Variants in SMIM14 observed in about 807,000 individuals in gnomAD.
The protein encoded by SMIM14 is chromosome 4 open reading frame 34.
In SMIM14, 5 loss-of-function variants were observed where a neutral mutation model predicts 12.6. The ratio of observed to expected loss-of-function variants is 0.40; its 90% CI spans 0.21 to 0.83. SMIM14 has a LOEUF of 0.83. SMIM14 is among the 40% of genes least tolerant of loss of function. The pLI, the probability that SMIM14 is intolerant of heterozygous loss-of-function variation, is 0.37. For missense variants in SMIM14, 86 were observed against 119.1 expected (o/e 0.72, Z 1.29); for synonymous variants, 30 against 40.1 (o/e 0.75, Z 0.95).
At chr4:39,629,890 T>C (rs775365683) in intron 1 of SMIM14, among the ~76,000 whole-genome samples, 18 of 152,020 alleles carry the variant, frequency 1.2e-4, no homozygotes, top group African/African-American at 4.1e-4. Context: ...GCCTTCCAAA[T>C]TGCTGGGATT....
At chr4:39,636,898 T>C (rs1361472844) in intron 1 of SMIM14, among the ~76,000 whole-genome samples, 3 of 152,110 alleles carry the variant, frequency 2.0e-5, no homozygotes, top group Admixed American at 1.3e-4. Flanking sequence ...TCTCTGAAAA[T>C]ATGATTGTAT....
chr4:39,581,123 G>C (rs1713470563), intron 2 of SMIM14, among the ~76,000 whole-genome samples: 2 of 151,852 alleles, frequency 1.3e-5, no homozygotes, highest in Non-Finnish European at 2.9e-5. Context: ...TGGCCTTTCT[G>C]CTTAAGAAGG....
intron 1 of SMIM14, among the ~76,000 whole-genome samples, chr4:39,618,842 C>A (rs185254923): frequency 6.6e-6 from 1 of 151,888 alleles, no homozygotes; most frequent in Non-Finnish European, 1.5e-5. Flanking sequence ...GCATGTTGGA[C>A]CTTGCAGGGG....
chr4:39,559,855 G>A (rs541336816), intron 3 of SMIM14, among the ~76,000 whole-genome samples: 1 of 152,202 alleles, frequency 6.6e-6, no homozygotes, highest in East Asian at 1.9e-4. Context: ...GGCAGCTCAT[G>A]TCTGTAATCC....
At chr4:39,613,498 G>A (rs777313817) in intron 1 of SMIM14, among the ~76,000 whole-genome samples, 4 of 152,090 alleles carry the variant, frequency 2.6e-5, no homozygotes, top group Non-Finnish European at 5.9e-5. Context: ...CTCTTTTGGT[G>A]AGGACCCAAG....
chr4:39,580,814 C>T (rs909141189), intron 2 of SMIM14, among the ~76,000 whole-genome samples: 9 of 151,890 alleles, frequency 5.9e-5, no homozygotes, highest in African/African-American at 1.2e-4. Flanking sequence ...TGTGAGCTAC[C>T]GCACCCAGCC....
At chr4:39,556,061 C>T (rs1002789714) in intron 4 of SMIM14, among the ~76,000 whole-genome samples, 13 of 151,770 alleles carry the variant, frequency 8.6e-5, no homozygotes, top group African/African-American at 2.9e-4. Flanking sequence ...GTGGTCCCAA[C>T]TACTTGGGAG....
Position 39,552,262 on chromosome 4 carries a change from A to G in SMIM14, c.268-104T>C, listed in dbSNP as rs889740373. 8.0e-5 allele frequency: 71 copies of G among 883,834 alleles called. 1 individual carries two copies. The African/African-American group carries it at 1.1e-3, about 14-fold the overall frequency. 54.7% of individuals were successfully genotyped at this position (883,834 alleles called of 1,614,324 possible). A position where few individuals can be genotyped will look rare whatever the true frequency, so the allele number is the denominator to read the frequency against. On this transcript the variant is annotated intron_variant, in intron 4 of 4. Coordinates refer to ENST00000295958, the MANE Select transcript of SMIM14 (RefSeq NM_174921.3). ...AATTGACTTATTAAATCCCAGTGCA[A>G]CCAATCTAACACATAGAGAAACAAC...
intron 1 of SMIM14, among the ~76,000 whole-genome samples, chr4:39,606,933 G>A (rs73808485): frequency 1.4e-3 from 210 of 152,318 alleles, no homozygotes; most frequent in African/African-American, 4.9e-3. Context: ...AAATACACCA[G>A]ATGGGTTTAA....
chr4:39,568,170 T>C (rs1435892552), intron 3 of SMIM14, among the ~76,000 whole-genome samples: 1 of 151,746 alleles, frequency 6.6e-6, no homozygotes, highest in Non-Finnish European at 1.5e-5. Context: ...TCCTGGCTAC[T>C]TGGGAGGCTG....
chr4:39,615,067 G>A (rs1057058009), intron 1 of SMIM14, among the ~76,000 whole-genome samples: 2 of 152,240 alleles, frequency 1.3e-5, no homozygotes, highest in African/African-American at 4.8e-5. Flanking sequence ...GACAGAGGGA[G>A]TTAAAATAGC....
intron 2 of SMIM14, among the ~76,000 whole-genome samples, chr4:39,604,725 CT>C (rs1240194248): frequency 6.6e-6 from 1 of 151,698 alleles, no homozygotes; most frequent in Admixed American, 6.6e-5. Context: ...ATTCTCGTGT[CT>C]CAGCCTTCCG....
rs1560289686 is a variant in SMIM14 at position 39,576,674 on chromosome 4, ATATATATATATTTTTTTTTTT to A, written c.76-4232_76-4212del. On this transcript the variant is annotated intron_variant, in intron 2 of 4. Transcript: ENST00000295958. The stretch of plus-strand genomic sequence containing the variant: ...TGTGTGTATGTGTATATATATATAT[ATATATATATATTTTTTTTTTT>A]TTTTTTTTTTTTTTTTTTTTTTTTT... Among the ~76,000 whole-genome samples the A allele has an allele frequency of 3.2e-4, 9 of 28,238 alleles. No homozygotes were observed. The East Asian group carries it at 5.5e-3, about 17-fold the overall frequency. 18.5% of individuals were successfully genotyped at this position (28,238 alleles called of 152,430 possible). A position where few individuals can be genotyped will look rare whatever the true frequency, so the allele number is the denominator to read the frequency against.
In SMIM14 at chr4:39,550,677, C is replaced by G. The variant is rs946613832; in HGVS notation, c.*1449G>C. ...CTTTTTTATACATTTTAAAATTTCT[C>G]TCATATTAACATTCCTTCCTACCCC... On this transcript the variant is annotated 3_prime_UTR_variant, in exon 5 of 5. Coordinates refer to ENST00000295958, the MANE Select transcript of SMIM14 (RefSeq NM_174921.3). The G allele has an allele frequency of 1.3e-5, 2 of 152,102 alleles. No homozygotes were observed. Among genetic ancestry groups the G allele is most frequent in the African/African-American group, 4.8e-5 (2 of 41,408 alleles). 9.4% of individuals were successfully genotyped at this position (152,102 alleles called of 1,614,324 possible).
Position 39,632,904 on chromosome 4 carries a change from AT to A in SMIM14, c.-36+5834del, listed in dbSNP as rs564784075. ...TACCAAAAATAAATAAATTAAAAAA[AT>A]ATTTTAAAACTTCATGTAACATTTT... is the stretch of plus-strand genomic sequence containing the variant. On this transcript the variant is annotated intron_variant, in intron 1 of 4. Coordinates refer to ENST00000295958, the MANE Select transcript of SMIM14 (RefSeq NM_174921.3). 3.8e-3 allele frequency among the ~76,000 whole-genome samples: 580 copies of A among 152,244 alleles called. 5 individuals carry two copies. The highest frequency in any genetic ancestry group is 0.012 in the African/African-American group (493 of 41,544).
intron 2 of SMIM14, among the ~76,000 whole-genome samples, chr4:39,599,652 A>G (rs143438146): frequency 1.5e-3 from 223 of 152,274 alleles, no homozygotes; most frequent in African/African-American, 5.2e-3. Context: ...GGCTGGGCAC[A>G]GTGGCTCACA....
chr4:39,586,507 T>C (rs1713790724), intron 2 of SMIM14, among the ~76,000 whole-genome samples: 1 of 152,108 alleles, frequency 6.6e-6, no homozygotes, highest in Non-Finnish European at 1.5e-5. Context: ...CTTTATTTTC[T>C]ACTAAAATTC....
chr4:39,551,035 G>T lies in SMIM14; in HGVS notation c.*1091C>A, dbSNP rs1218166461. On this transcript the variant is annotated 3_prime_UTR_variant, in exon 5 of 5. Coordinates refer to ENST00000295958, the MANE Select transcript of SMIM14 (RefSeq NM_174921.3). ...AGCAATTCTCCTGCTTTGGCCTCCTGAGTAGCTGGGATTACAGGCACATGC... is the reference window on the plus strand; with the variant it reads ...AGCAATTCTCCTGCTTTGGCCTCCTTAGTAGCTGGGATTACAGGCACATGC... 1 of 151,864 alleles carries T rather than the reference G, an allele frequency of 6.6e-6. No homozygotes were observed. The highest frequency in any genetic ancestry group is 1.9e-4 in the East Asian group (1 of 5,152). The allele number at this position is 151,864 out of a possible 1,614,324, so 9.4% of individuals were successfully genotyped here.
intron 4 of SMIM14, among the ~76,000 whole-genome samples, chr4:39,554,883 T>G (rs1711930793): frequency 6.8e-6 from 1 of 146,832 alleles, no homozygotes. Context: ...CCGCCTAGCC[T>G]GGAGTGCAAT....
Sources: gnomAD v4.1 joint callset for allele counts (sites outside exome capture counted in the v4.1 genomes callset) on GRCh38, gnomAD v4.1.1 for gene constraint, MANE v1.5 for transcripts, NCBI Gene and HGNC (gene_info 2026-07-23, HGNC 2026-07-21) for gene names.